Variants in PCSK2 observed in about 807,000 individuals in gnomAD.
PCSK2 encodes neuroendocrine convertase 2.
Under a neutral mutation model 69.7 loss-of-function variants are expected in PCSK2, and 14 were observed. That is an observed-to-expected ratio of 0.20 (90% CI 0.13 to 0.31). PCSK2 has a LOEUF of 0.31. Among genes scored for constraint, PCSK2 ranks in the 10% least tolerant of loss-of-function variants. The pLI, the probability that PCSK2 is intolerant of heterozygous loss-of-function variation, is 1.00. For missense variants in PCSK2, 544 were observed against 842.5 expected (o/e 0.65, Z 4.39); for synonymous variants, 307 against 320.7 (o/e 0.96, Z 0.46).
intron 2 of PCSK2, among the ~76,000 whole-genome samples, chr20:17,285,066 C>A (rs940023516): frequency 1.3e-5 from 2 of 152,156 alleles, no homozygotes; most frequent in Admixed American, 6.5e-5. Context: ...AGGATCAGTG[C>A]TCTGTGACTA....
chr20:17,298,821 AG>A (rs2123083309), intron 2 of PCSK2, among the ~76,000 whole-genome samples: 1 of 152,316 alleles, frequency 6.6e-6, no homozygotes, highest in South Asian at 2.1e-4. Flanking sequence ...GCTATTAGTC[AG>A]TCATTCCCCA....
intron 2 of PCSK2, among the ~76,000 whole-genome samples, chr20:17,330,572 G>T (rs543492754): frequency 6.6e-6 from 1 of 152,012 alleles, no homozygotes; most frequent in Non-Finnish European, 1.5e-5. Context: ...AGCCAAGATC[G>T]CACCACTGCA....
intron 11 of PCSK2, among the ~76,000 whole-genome samples, chr20:17,469,313 C>A (rs1490145395): frequency 6.6e-6 from 1 of 152,166 alleles, no homozygotes; most frequent in Non-Finnish European, 1.5e-5. Flanking sequence ...GCTTCACAGC[C>A]ACCCTATTGT....
At chr20:17,473,087 C>CTTTTTTTTTTTTTTTTTTTTT (rs10648323) in intron 11 of PCSK2, among the ~76,000 whole-genome samples, 1 of 76,798 alleles carries the variant, frequency 1.3e-5, no homozygotes, top group Non-Finnish European at 2.3e-5. Context: ...AAGAAGAACT[C>CTTTTTTTTTTTTTTTTTTTTT]TTTTTTTTTT....
intron 5 of PCSK2, among the ~76,000 whole-genome samples, chr20:17,405,732 A>T (rs1371438009): frequency 6.6e-6 from 1 of 152,206 alleles, no homozygotes; most frequent in Admixed American, 6.5e-5. Flanking sequence ...TATGCATTCA[A>T]ATATTCAGAA....
At chr20:17,251,999 C>A (rs1173029807) in intron 1 of PCSK2, among the ~76,000 whole-genome samples, 1 of 152,230 alleles carries the variant, frequency 6.6e-6, no homozygotes, top group Non-Finnish European at 1.5e-5. Context: ...TTCCTCATAA[C>A]ATGGCAGCCT....
Position 17,453,646 on chromosome 20 carries a change from A to G in PCSK2, c.886-96A>G, listed in dbSNP as rs2032866863. ...AAAGTGCACCCAGTCTTTAGGTTCA[A>G]CTGCTGAAGAAGCCCAACCCCTGGG... On this transcript the variant is annotated intron_variant, in intron 8 of 11. Transcript: ENST00000262545. This position sits in a 1 kb window ranked among gnomAD's most constrained non-coding sequence, Gnocchi z 4.0. 7.5e-6 allele frequency: 10 copies of G among 1,340,610 alleles called. No individual in the cohort carries two copies. The Admixed American group carries it at 1.9e-4, about 26-fold the overall frequency. The allele number at this position is 1,340,610 out of a possible 1,614,324, so 83.0% of individuals were successfully genotyped here. A position where few individuals can be genotyped will look rare whatever the true frequency, so the allele number is the denominator to read the frequency against.
chr20:17,338,171 T>G (rs796778369), intron 2 of PCSK2, among the ~76,000 whole-genome samples: 20,267 of 112,104 alleles, frequency 0.18, 2,174 homozygotes, highest in Non-Finnish European at 0.23. Context: ...ACATTTTTTT[T>G]GGGGGGGGGG....
upstream of PCSK2, among the ~76,000 whole-genome samples, chr20:17,226,823 C>A (rs1985921984): frequency 7.1e-6 from 1 of 141,070 alleles, no homozygotes; most frequent in Non-Finnish European, 1.5e-5. Context: ...CGCTGCGCTG[C>A]GCCCCCAGAA....
At chr20:17,449,507 C>CATATATATATTTATGTATGTATATAT (rs1310068154) in intron 8 of PCSK2, among the ~76,000 whole-genome samples, 1 of 70,324 alleles carries the variant, frequency 1.4e-5, no homozygotes. Flanking sequence ...TATAAATATA[C>CATATATATATTTATGTATGTATATAT]ATATATATAT....
intron 1 of PCSK2, among the ~76,000 whole-genome samples, chr20:17,233,642 T>A (rs562294253): frequency 2.6e-5 from 4 of 152,172 alleles, no homozygotes; most frequent in African/African-American, 9.7e-5. Context: ...AGAAAGCCCA[T>A]TCAGGCCATG....
chr20:17,226,392 AC>A (rs1248075434), upstream of PCSK2: 1 of 151,784 alleles, frequency 6.6e-6, no homozygotes, highest in Admixed American at 6.6e-5. Context: ...GCTTTCCCCA[AC>A]CCTCCTGGTG....
At chr20:17,257,456 C>T (rs928116585) in intron 1 of PCSK2, among the ~76,000 whole-genome samples, 1 of 152,182 alleles carries the variant, frequency 6.6e-6, no homozygotes, top group Non-Finnish European at 1.5e-5. Context: ...TCATTCTACT[C>T]TAAAGATACA....
intron 6 of PCSK2, among the ~76,000 whole-genome samples, chr20:17,422,235 C>T (rs542783585): frequency 6.6e-6 from 1 of 152,180 alleles, no homozygotes; most frequent in Non-Finnish European, 1.5e-5. Flanking sequence ...CTACAGCAAA[C>T]ATTATTCTTC....
At chr20:17,420,970 T>C (rs1197789769) in intron 6 of PCSK2, among the ~76,000 whole-genome samples, 1 of 152,158 alleles carries the variant, frequency 6.6e-6, no homozygotes, top group Non-Finnish European at 1.5e-5. Context: ...AGGAGCTAAG[T>C]CAAAGATTAT....
At chr20:17,317,751 C>T (rs975297870) in intron 2 of PCSK2, among the ~76,000 whole-genome samples, 1 of 151,958 alleles carries the variant, frequency 6.6e-6, no homozygotes, top group Non-Finnish European at 1.5e-5. Context: ...AAATACTACC[C>T]CCAAAATAAA....
rs142288692 is a variant in PCSK2 at position 17,388,058 on chromosome 20, A to G, written c.543+18781A>G. Among the ~76,000 whole-genome samples the G allele has an allele frequency of 2.6e-3, 391 of 152,324 alleles. 5 individuals are homozygous for G. Among genetic ancestry groups the G allele is most frequent in the African/African-American group, 8.8e-3 (367 of 41,568 alleles). On this transcript the variant is annotated intron_variant, in intron 5 of 11. Transcript: ENST00000262545. ...GAAGCAGAAGGAACAGCTTGTGCAA[A>G]GACCCTGAGGCAGGAACATGCTCAG...
chr20:17,469,099 G>T (rs2033157940), intron 11 of PCSK2, among the ~76,000 whole-genome samples: 1 of 152,222 alleles, frequency 6.6e-6, no homozygotes, highest in Non-Finnish European at 1.5e-5. Flanking sequence ...TAGCTACTCT[G>T]CACAGTTCCT....
At chr20:17,249,462 G>A (rs960325174) in intron 1 of PCSK2, among the ~76,000 whole-genome samples, 5 of 146,556 alleles carry the variant, frequency 3.4e-5, no homozygotes, top group Non-Finnish European at 5.9e-5. Flanking sequence ...AGCCGAGATC[G>A]CGCCACTGCA....
Sources: allele counts gnomAD v4.1 joint callset (sites outside exome capture counted in the v4.1 genomes callset), GRCh38; gene constraint gnomAD v4.1.1; non-coding constraint Gnocchi (gnomAD v3.1); transcripts MANE v1.5; gene names NCBI Gene and HGNC (gene_info 2026-07-23, HGNC 2026-07-21).